Variants in PRLR observed in about 807,000 individuals in gnomAD.
The protein encoded by PRLR is hPRL receptor.
In PRLR, 13 loss-of-function variants were observed where a neutral mutation model predicts 40.2. That is an observed-to-expected ratio of 0.32 (90% confidence interval 0.21 to 0.51). The LOEUF is 0.51. PRLR is among the 20% of genes least tolerant of loss of function. PRLR has a pLI of 0.97. For synonymous variants in PRLR, 269 were observed against 278.7 expected, an observed-to-expected ratio of 0.97 and a Z score of 0.35; for missense variants, 656 against 747.3, an observed-to-expected ratio of 0.88 and a Z score of 1.42.
chr5:35,086,138 C>G, intron 4 of PRLR, 70 bp downstream of exon 4: 1 of 1,572,990 alleles, frequency 6.4e-7, no homozygotes, highest in Non-Finnish European at 8.7e-7. Flanking sequence ...CACTCAGAAC[C>G]AGTGTTTCTT....
rs2112336011 is a variant in PRLR, at chr5:35,057,138, C to A, written c.*7951G>T. On this transcript the variant is annotated 3_prime_UTR_variant, in exon 10 of 10. Coordinates refer to ENST00000618457, the MANE Select transcript of PRLR (RefSeq NM_000949.7). ...TATTTCACAATATTTAAATAAGCTTCTCTTATTGGATCTCCTTGTATCTGG... is the reference window on the plus strand; with the variant it reads ...TATTTCACAATATTTAAATAAGCTTATCTTATTGGATCTCCTTGTATCTGG... 1 of 152,262 alleles carries A rather than the reference C, an allele frequency of 6.6e-6. No individual in the cohort carries two copies. The highest frequency in any genetic ancestry group is 1.9e-4 in the East Asian group (1 of 5,192). The allele number at this position is 152,262 out of a possible 1,614,324, so 9.4% of individuals were successfully genotyped here.
chr5:35,226,838 T>C (rs971462600), intron 1 of PRLR, among the ~76,000 whole-genome samples: 2 of 152,242 alleles, frequency 1.3e-5, no homozygotes, highest in Admixed American at 6.5e-5. Flanking sequence ...CTCTCTGGCA[T>C]AGAAGCTCCA....
chr5:35,198,227 C>A (rs1170245679), intron 1 of PRLR, among the ~76,000 whole-genome samples: 2 of 152,210 alleles, frequency 1.3e-5, no homozygotes, highest in African/African-American at 2.4e-5. Context: ...AGAAGGCTTG[C>A]CCCAGGAAGT....
intron 1 of PRLR, among the ~76,000 whole-genome samples, chr5:35,212,031 A>G (rs938917068): frequency 6.6e-6 from 1 of 152,212 alleles, no homozygotes; most frequent in African/African-American, 2.4e-5. Context: ...AAGCCTAGAA[A>G]TATTTACTAT....
At chr5:35,167,124 A>C (rs1198246811) in intron 1 of PRLR, among the ~76,000 whole-genome samples, 1 of 149,364 alleles carries the variant, frequency 6.7e-6, no homozygotes, top group East Asian at 2.0e-4. Flanking sequence ...AATAACATCA[A>C]TCTGTTTGTC....
At chr5:35,138,104 G>A (rs1166329403) in intron 1 of PRLR, among the ~76,000 whole-genome samples, 1 of 152,198 alleles carries the variant, frequency 6.6e-6, no homozygotes, top group Admixed American at 6.5e-5. Flanking sequence ...CTAAATCTCA[G>A]GCTTGAGGCT....
In PRLR at chr5:35,056,431, C is replaced by G. The variant is rs997115311; in HGVS notation, c.*8658G>C. On this transcript the variant is annotated 3_prime_UTR_variant, in exon 10 of 10. Coordinates refer to ENST00000618457, the MANE Select transcript of PRLR (RefSeq NM_000949.7). ...TTTCTTATCCTTCTCCCTAGTCCCCCCACTGCTCCCTTACCCCAAGATTTC... is the reference window on the plus strand; with the variant it reads ...TTTCTTATCCTTCTCCCTAGTCCCCGCACTGCTCCCTTACCCCAAGATTTC... The G allele has an allele frequency of 1.3e-5, 2 of 152,096 alleles. No individual in the cohort carries two copies. The highest frequency in any genetic ancestry group is 4.8e-5 in the African/African-American group (2 of 41,416). The allele number at this position is 152,096 out of a possible 1,614,324, so 9.4% of individuals were successfully genotyped here.
chr5:35,168,361 C>T (rs969680663), intron 1 of PRLR, among the ~76,000 whole-genome samples: 22 of 151,882 alleles, frequency 1.4e-4, no homozygotes, highest in East Asian at 1.9e-4. Context: ...ACTTAATTGA[C>T]GTTTATATAA....
At chr5:35,151,638 C>T (rs998332800) in intron 1 of PRLR, among the ~76,000 whole-genome samples, 1 of 152,068 alleles carries the variant, frequency 6.6e-6, no homozygotes, top group African/African-American at 2.4e-5. Flanking sequence ...CTTTTCTCTG[C>T]ATGCTCCCTC....
At chr5:35,191,458 G>C (rs1775605746) in intron 1 of PRLR, among the ~76,000 whole-genome samples, 2 of 152,202 alleles carry the variant, frequency 1.3e-5, no homozygotes, top group African/African-American at 2.4e-5. Flanking sequence ...CAGGGAGAAA[G>C]GGACTTCTGA....
chr5:35,100,718 G>A (rs1771825184), intron 2 of PRLR, among the ~76,000 whole-genome samples: 1 of 152,120 alleles, frequency 6.6e-6, no homozygotes, highest in South Asian at 2.1e-4. Flanking sequence ...ATTGTCAAGC[G>A]ATGCATGACT....
intron 1 of PRLR, among the ~76,000 whole-genome samples, chr5:35,230,045 C>A (rs545419448): frequency 6.6e-6 from 1 of 151,948 alleles, no homozygotes; most frequent in African/African-American, 2.4e-5. Flanking sequence ...ATTTTTTAGC[C>A]CCTCTGAGAA....
At chr5:35,189,236 C>T (rs1211589919) in intron 1 of PRLR, among the ~76,000 whole-genome samples, 3 of 152,138 alleles carry the variant, frequency 2.0e-5, no homozygotes, top group East Asian at 3.9e-4. Flanking sequence ...CAGAAGAGAT[C>T]CAACCCTGCT....
intron 1 of PRLR, among the ~76,000 whole-genome samples, chr5:35,219,577 G>A (rs971978607): frequency 1.3e-5 from 2 of 152,170 alleles, no homozygotes; most frequent in African/African-American, 4.8e-5. Context: ...CTGACAGCAG[G>A]AAGGCCTTGG....
rs929653004 is a variant in PRLR at position 35,060,664 on chromosome 5, C to T, written c.*4425G>A. On this transcript the variant is annotated 3_prime_UTR_variant, in exon 10 of 10. Coordinates refer to ENST00000618457, the MANE Select transcript of PRLR (RefSeq NM_000949.7). ...GACATTGAGTGCTCAGTCACTGTCT[C>T]AGTGACAGCATTATTGTGCTTGAGC... is the stretch of plus-strand genomic sequence containing the variant. 1 of 152,206 alleles carries T rather than the reference C, an allele frequency of 6.6e-6. No homozygotes were observed. The highest frequency in any genetic ancestry group is 1.5e-5 in the Non-Finnish European group (1 of 68,034). 9.4% of individuals were successfully genotyped at this position (152,206 alleles called of 1,614,324 possible). A position where few individuals can be genotyped will look rare whatever the true frequency, so the allele number is the denominator to read the frequency against.
intron 2 of PRLR, among the ~76,000 whole-genome samples, chr5:35,105,557 A>G (rs1466511045): frequency 6.6e-6 from 1 of 152,218 alleles, no homozygotes; most frequent in Non-Finnish European, 1.5e-5. Flanking sequence ...GCTGAAAACC[A>G]TGGCACGAGA....
chr5:35,105,854 C>T (rs1772207107), intron 2 of PRLR, among the ~76,000 whole-genome samples: 1 of 152,126 alleles, frequency 6.6e-6, no homozygotes, highest in African/African-American at 2.4e-5. Context: ...GGCCAACATT[C>T]AAATTCAGGA....
Position 35,078,577 on chromosome 5 carries a change from A to C in PRLR, c.374-5833T>G, listed in dbSNP as rs938039159. On this transcript the variant is annotated intron_variant, in intron 5 of 9. Transcript: ENST00000618457. Reference sequence around the variant, plus strand: ...GCAATAATTAATAGCCTACCAACCAAAAAAAAAAAGTCCAGGACCAGACGG... The same window carrying C: ...GCAATAATTAATAGCCTACCAACCACAAAAAAAAAGTCCAGGACCAGACGG... Among the ~76,000 whole-genome samples, 101 of 149,590 alleles carry C rather than the reference A, an allele frequency of 6.8e-4. 1 individual carries two copies. The highest frequency in any genetic ancestry group is 2.4e-3 in the African/African-American group (100 of 40,994).
rs1230019743 is a variant in PRLR, at chr5:35,062,530, A to AC, written c.*2558_*2559insG. 3.8e-5 allele frequency: 5 copies of AC among 132,380 alleles called. No homozygotes were observed. The highest frequency in any genetic ancestry group is 7.6e-5 in the Non-Finnish European group (5 of 65,418). The allele number at this position is 132,380 out of a possible 1,614,324, so 8.2% of individuals were successfully genotyped here. ...AAAGTCTTGGCCTAATGAGTGGCTA[A>AC]TTGTTTTTTAGGGATTTAATTCAAG... On this transcript the variant is annotated 3_prime_UTR_variant, in exon 10 of 10. Transcript: ENST00000618457.
Sources: allele counts gnomAD v4.1 joint callset (sites outside exome capture counted in the v4.1 genomes callset), GRCh38; gene constraint gnomAD v4.1.1; transcripts MANE v1.5; gene names NCBI Gene and HGNC (gene_info 2026-07-23, HGNC 2026-07-21).